The following TMEM123 variants were observed in gnomAD, a reference collection of about 807,000 sequenced individuals.
TMEM123 encodes the protein porimin.
A neutral mutation model predicts 19.7 loss-of-function variants in TMEM123; 16 were observed. That is an observed-to-expected ratio of 0.81 (90% CI 0.55 to 1.23). TMEM123 has a LOEUF of 1.23. Ranked by LOEUF, TMEM123 falls within the 50% of genes most tolerant of loss-of-function variation. The probability of loss-of-function intolerance (pLI) is 0.00; values close to 1 mark genes in which losing one functional copy is unlikely to be tolerated. For synonymous variants in TMEM123, 118 were observed against 99.4 expected (o/e 1.19, Z -1.12); for missense variants, 313 against 257.8 (o/e 1.21, Z -1.47).
chr11:102,408,167 A>G (rs1251320105), intron 2 of TMEM123, among the ~76,000 whole-genome samples: 1 of 152,230 alleles, frequency 6.6e-6, no homozygotes, highest in Non-Finnish European at 1.5e-5. Context: ...TACAGGAAAA[A>G]TGAAGCAAAG....
chr11:102,407,283 G>A (rs1271707689), intron 2 of TMEM123, among the ~76,000 whole-genome samples: 4 of 152,206 alleles, frequency 2.6e-5, no homozygotes, highest in African/African-American at 9.7e-5. Context: ...AATCACTGTA[G>A]AGTTTTATTA....
rs943100211 is a variant in TMEM123, at chr11:102,438,973, C to T, written c.157+9839G>A. 2.0e-5 allele frequency among the ~76,000 whole-genome samples: 3 copies of T among 152,360 alleles called. No individual in the cohort carries two copies. In the East Asian group the frequency reaches 5.8e-4, roughly 29 times the overall value. On this transcript the variant is annotated intron_variant, in intron 2 of 4. Coordinates refer to ENST00000398136, the MANE Select transcript of TMEM123 (RefSeq NM_052932.3). ...CGTGGCTCAGAGGGTCCCACACCCA[C>T]GAAGCCTTGCTCACTGCTAGCACAG...
intron 1 of TMEM123, 134 bp from the exon 2 acceptor site, chr11:102,449,002 T>C: frequency 1.2e-6 from 1 of 822,128 alleles, no homozygotes; most frequent in African/African-American, 1.7e-5. Context: ...AGTTCTACTT[T>C]GGCCCCTGTT....
At chr11:102,429,998 G>A (rs142153859) in intron 2 of TMEM123, among the ~76,000 whole-genome samples, 112 of 152,292 alleles carry the variant, frequency 7.4e-4, no homozygotes, top group African/African-American at 2.6e-3. Flanking sequence ...CCTTCGTAGG[G>A]GCAGAGGCCT....
intron 4 of TMEM123, among the ~76,000 whole-genome samples, chr11:102,400,938 A>G (rs1372637813): frequency 2.6e-5 from 4 of 152,250 alleles, no homozygotes; most frequent in Non-Finnish European, 5.9e-5. Context: ...TTGGAGCAAC[A>G]AAAGTTTGGA....
At chr11:102,444,607 G>A (rs971291506) in intron 2 of TMEM123, among the ~76,000 whole-genome samples, 2 of 152,008 alleles carry the variant, frequency 1.3e-5, no homozygotes, top group African/African-American at 4.8e-5. Context: ...GTTGACGGGT[G>A]CAGCACACCA....
chr11:102,408,657 G>T (rs1035746379), intron 2 of TMEM123, among the ~76,000 whole-genome samples: 3 of 152,164 alleles, frequency 2.0e-5, no homozygotes, highest in African/African-American at 7.2e-5. Context: ...TTCATTAAAT[G>T]TAACTCCCCT....
chr11:102,451,870 G>T (rs1857943343), intron 1 of TMEM123, among the ~76,000 whole-genome samples: 1 of 152,224 alleles, frequency 6.6e-6, no homozygotes, highest in Non-Finnish European at 1.5e-5. Flanking sequence ...CAGCTGCCGC[G>T]CGCCTCGGCC....
rs1314253599 is a variant in TMEM123 at position 102,401,642 on chromosome 11, C to A, written c.499G>T (p.Gly167Trp). Reference sequence around the variant, plus strand: ...AATACAATACCACCAACAAAGCTCCCAGTATCAAATTTTGATCCTTTCTTT... The same window carrying A: ...AATACAATACCACCAACAAAGCTCCAAGTATCAAATTTTGATCCTTTCTTT... ...EAKKGSKFDT[G>W]SFVGGIVLTL... The change falls in exon 4 of 5, where the codon GGG becomes TGG. Residue 167 changes from glycine to tryptophan, a missense_variant. Gly to Trp is a radical substitution (Grantham distance 184). Coordinates refer to ENST00000398136, the MANE Select transcript of TMEM123 (RefSeq NM_052932.3). 2.5e-6 allele frequency: 4 copies of A among 1,607,804 alleles called. No homozygotes were observed. The Admixed American group carries it at 6.9e-5, about 28-fold the overall frequency.
intron 2 of TMEM123, among the ~76,000 whole-genome samples, chr11:102,411,270 G>A (rs1257096157): frequency 6.6e-6 from 1 of 152,182 alleles, no homozygotes; most frequent in Non-Finnish European, 1.5e-5. Context: ...GGGCTTCTGA[G>A]TTGGTGAACA....
intron 1 of TMEM123, chr11:102,451,281 C>G (rs1199060820): frequency 6.6e-6 from 1 of 152,128 alleles, no homozygotes; most frequent in Non-Finnish European, 1.5e-5. Flanking sequence ...AAATGGAGAC[C>G]TCACCTCATG....
At chr11:102,415,897 G>GTTATTA (rs1033270352) in intron 2 of TMEM123, among the ~76,000 whole-genome samples, 5 of 68,758 alleles carry the variant, frequency 7.3e-5, no homozygotes, top group Non-Finnish European at 1.4e-4. Flanking sequence ...GTTGGTGGTT[G>GTTATTA]TTATTATTAT....
chr11:102,441,641 A>G (rs1370789090), intron 2 of TMEM123, among the ~76,000 whole-genome samples: 13 of 152,156 alleles, frequency 8.5e-5, no homozygotes, highest in African/African-American at 1.7e-4. Context: ...GAACTAGAGA[A>G]GCAAGAGCAA....
At chr11:102,400,405 A>G (rs1401352313) in intron 4 of TMEM123, among the ~76,000 whole-genome samples, 1 of 152,230 alleles carries the variant, frequency 6.6e-6, no homozygotes, top group African/African-American at 2.4e-5. Context: ...CTTATAGTAA[A>G]CTGTCTTAGT....
In TMEM123 at chr11:102,442,101, T is replaced by C. The variant is rs531103328; in HGVS notation, c.157+6711A>G. The stretch of plus-strand genomic sequence containing the variant: ...AAAAGTCCAGGACTAGACGGATTCA[T>C]AGCCGAATTCTACCAGAGGTACAAA... On this transcript the variant is annotated intron_variant, in intron 2 of 4. Transcript: ENST00000398136. Among the ~76,000 whole-genome samples the C allele has an allele frequency of 6.6e-4, 101 of 152,264 alleles. No homozygotes were observed. The South Asian group carries it at 7.5e-3, about 11-fold the overall frequency.
chr11:102,415,334 T>G (rs889701224), intron 2 of TMEM123, among the ~76,000 whole-genome samples: 1 of 152,120 alleles, frequency 6.6e-6, no homozygotes, highest in African/African-American at 2.4e-5. Context: ...ACCAAATGGA[T>G]CTAACAGATA....
In TMEM123 at chr11:102,396,830, T is replaced by C. The variant is rs561435349; in HGVS notation, c.*2037A>G. 1 of 152,230 alleles carries C rather than the reference T, an allele frequency of 6.6e-6. No individual in the cohort carries two copies. Among genetic ancestry groups the C allele is most frequent in the African/African-American group, 2.4e-5 (1 of 41,460 alleles). The allele number at this position is 152,230 out of a possible 1,614,324, so 9.4% of individuals were successfully genotyped here. A position where few individuals can be genotyped will look rare whatever the true frequency, so the allele number is the denominator to read the frequency against. On this transcript the variant is annotated 3_prime_UTR_variant, in exon 5 of 5. Coordinates refer to ENST00000398136, the MANE Select transcript of TMEM123 (RefSeq NM_052932.3). ...CAGAGGAAACTTTCAAGGCAAATGA[T>C]GACTTAGTACTTAAAAAGTGGTTTT...
rs1951879267 is a variant in TMEM123 at position 102,398,399 on chromosome 11, A to G, written c.*468T>C. The G allele has an allele frequency of 5.1e-6, 2 of 395,816 alleles. No homozygotes were observed. The highest frequency in any genetic ancestry group is 8.9e-6 in the Non-Finnish European group (2 of 224,892). 24.5% of individuals were successfully genotyped at this position (395,816 alleles called of 1,614,324 possible). On this transcript the variant is annotated 3_prime_UTR_variant, in exon 5 of 5. Transcript: ENST00000398136. ...TGCTTCAGATCTAGTTTGATTGTAT[A>G]ATTTCTGTGTGGCATTAGTAATTAA...
Position 102,397,015 on chromosome 11 carries a change from G to A in TMEM123, c.*1852C>T, listed in dbSNP as rs1591550912. On this transcript the variant is annotated 3_prime_UTR_variant, in exon 5 of 5. Transcript: ENST00000398136. Reference sequence around the variant, plus strand: ...GTATATCTTAACTACATTTTGCAAAGAAATGAAGCAATGGTTGCACAACCA... The same window carrying A: ...GTATATCTTAACTACATTTTGCAAAAAAATGAAGCAATGGTTGCACAACCA... 1.3e-5 allele frequency: 2 copies of A among 152,246 alleles called. No individual in the cohort carries two copies. Among genetic ancestry groups the A allele is most frequent in the East Asian group, 3.9e-4 (2 of 5,182 alleles). The allele number at this position is 152,246 out of a possible 1,614,324, so 9.4% of individuals were successfully genotyped here.
Sources: allele counts gnomAD v4.1 joint callset (sites outside exome capture counted in the v4.1 genomes callset), GRCh38; gene constraint gnomAD v4.1.1; transcripts MANE v1.5; gene names NCBI Gene and HGNC (gene_info 2026-07-23, HGNC 2026-07-21).